The following NRSN1 variants were observed in gnomAD, a reference collection of about 807,000 sequenced individuals.
NRSN1 encodes neurensin-1.
Under a neutral mutation model 17.3 loss-of-function variants are expected in NRSN1, and 14 were observed. The ratio of observed to expected loss-of-function variants is 0.81; its 90% confidence interval spans 0.54 to 1.27. The LOEUF (loss-of-function observed/expected upper bound fraction) is 1.27, where lower values mean the gene tolerates loss of function less well. Ranked by LOEUF, NRSN1 falls within the 50% of genes most tolerant of loss-of-function variation. The probability of loss-of-function intolerance (pLI) is 0.00; values close to 1 mark genes in which losing one functional copy is unlikely to be tolerated. For synonymous variants in NRSN1, 79 were observed against 94.2 expected, an observed-to-expected ratio of 0.84 and a Z score of 0.93; for missense variants, 209 against 235.9, an observed-to-expected ratio of 0.89 and a Z score of 0.75.
intron 3 of NRSN1, among the ~76,000 whole-genome samples, chr6:24,144,329 C>T (rs1175656227): frequency 6.6e-6 from 1 of 152,198 alleles, no homozygotes; most frequent in African/African-American, 2.4e-5. Flanking sequence ...GTTACAAAGA[C>T]TGTCCATGTC....
In NRSN1 at chr6:24,147,158, G is replaced by A. The variant is rs1163011361; in HGVS notation, c.*1212G>A. 1 of 152,026 alleles carries A rather than the reference G, an allele frequency of 6.6e-6. No homozygotes were observed. Among genetic ancestry groups the A allele is most frequent in the Non-Finnish European group, 1.5e-5 (1 of 68,014 alleles). 9.4% of individuals were successfully genotyped at this position (152,026 alleles called of 1,614,324 possible). A position where few individuals can be genotyped will look rare whatever the true frequency, so the allele number is the denominator to read the frequency against. Reference sequence around the variant, plus strand: ...CTGTCATATTTTTAAAAAAACAAAAGTAAGCCATCCTCAAATAAGGAACCC... The same window carrying A: ...CTGTCATATTTTTAAAAAAACAAAAATAAGCCATCCTCAAATAAGGAACCC... On this transcript the variant is annotated 3_prime_UTR_variant, in exon 4 of 4. Transcript: ENST00000378491.
intron 3 of NRSN1, chr6:24,141,577 A>C (rs1561867609): frequency 6.5e-6 from 1 of 153,402 alleles, no homozygotes; most frequent in Non-Finnish European, 1.5e-5. Flanking sequence ...CCTCTCTCTG[A>C]TTCTCTGATG....
chr6:24,140,781 A>G (rs762758936), intron 3 of NRSN1: 6 of 1,153,430 alleles, frequency 5.2e-6, no homozygotes, highest in Non-Finnish European at 6.6e-6. Flanking sequence ...AGTAAACTGC[A>G]TTTTCAGGCC....
At chr6:24,132,463 C>T (rs1760049615) in intron 2 of NRSN1, among the ~76,000 whole-genome samples, 1 of 152,176 alleles carries the variant, frequency 6.6e-6, no homozygotes, top group Non-Finnish European at 1.5e-5. Context: ...GAAAACCTGG[C>T]TTAATAGAAA....
At position 24,146,489 on chromosome 6, in the gene NRSN1, A is replaced by G. The variant is rs1043644578; in HGVS notation, c.*543A>G. 24 of 342,610 alleles carry G rather than the reference A, an allele frequency of 7.0e-5. No homozygotes were observed. Among genetic ancestry groups the G allele is most frequent in the Non-Finnish European group, 9.7e-5 (17 of 174,920 alleles). 21.2% of individuals were successfully genotyped at this position (342,610 alleles called of 1,614,324 possible). ...TGACATTGGATACAAAGTTATCAGC[A>G]TTCACAAATCTTTTTGTTTTCTCCA... is the stretch of plus-strand genomic sequence containing the variant. On this transcript the variant is annotated 3_prime_UTR_variant, in exon 4 of 4. Coordinates refer to ENST00000378491, the MANE Select transcript of NRSN1 (RefSeq NM_080723.5).
chr6:24,131,243 T>A (rs149054631), intron 2 of NRSN1, among the ~76,000 whole-genome samples: 5 of 152,300 alleles, frequency 3.3e-5, no homozygotes, highest in South Asian at 4.1e-4. Context: ...CTGGGTCTCA[T>A]AAAGCAGAAA....
chr6:24,139,545 C>A (rs573935292), intron 3 of NRSN1, among the ~76,000 whole-genome samples: 50 of 152,270 alleles, frequency 3.3e-4, no homozygotes, highest in African/African-American at 1.2e-3. Context: ...AAGGAAGTGG[C>A]AGAGCACCAT....
rs1016153192 is a variant in NRSN1, at chr6:24,144,894, C to T, written c.190-654C>T. Among the ~76,000 whole-genome samples, 45 of 151,426 alleles carry T rather than the reference C, an allele frequency of 3.0e-4. 1 individual carries two copies. The highest frequency in any genetic ancestry group is 8.0e-4 in the African/African-American group (33 of 41,160). ...CAGAGTAAGGCCAGCTCCTGGATAT[C>T]AGGGCTACTCTTCTTTTCCTCAAGA... is the stretch of plus-strand genomic sequence containing the variant. On this transcript the variant is annotated intron_variant, in intron 3 of 3. Coordinates refer to ENST00000378491, the MANE Select transcript of NRSN1 (RefSeq NM_080723.5).
intron 3 of NRSN1, among the ~76,000 whole-genome samples, chr6:24,142,621 G>A (rs568015203): frequency 1.8e-4 from 28 of 152,178 alleles, no homozygotes; most frequent in African/African-American, 6.7e-4. Context: ...CACCATGCCT[G>A]GCTAATTTTG....
chr6:24,127,424 G>T lies in NRSN1; in HGVS notation c.-82-704G>T, dbSNP rs74943947. ...CAAATGGGGACCTGTTCATTAGAAA[G>T]AATTCTTAATGATCCCATAAAAAAT... On this transcript the variant is annotated intron_variant, in intron 1 of 3. Transcript: ENST00000378491. Among the ~76,000 whole-genome samples, 465 of 152,270 alleles carry T rather than the reference G, an allele frequency of 3.1e-3. 2 individuals carry two copies. Among genetic ancestry groups the T allele is most frequent in the African/African-American group, 0.011 (449 of 41,560 alleles).
At chr6:24,144,382 G>GT (rs74315583) in intron 3 of NRSN1, among the ~76,000 whole-genome samples, 13,546 of 152,218 alleles carry the variant, frequency 0.089, 782 homozygotes, top group East Asian at 0.22. Flanking sequence ...TGTTGAACAA[G>GT]TTGGATGTAT....
chr6:24,143,234 T>A (rs1035491554), intron 3 of NRSN1, among the ~76,000 whole-genome samples: 13 of 152,176 alleles, frequency 8.5e-5, no homozygotes, highest in Non-Finnish European at 1.2e-4. Context: ...TGACCTCAGA[T>A]GATCCACCCA....
chr6:24,145,883 G>T lies in NRSN1; in HGVS notation c.525G>T (p.Gly175=), dbSNP rs772077870. The T allele has an allele frequency of 6.2e-7, 1 of 1,614,018 alleles. No individual in the cohort carries two copies. Among genetic ancestry groups the T allele is most frequent in the Non-Finnish European group, 8.5e-7 (1 of 1,179,990 alleles). Residue 175 remains glycine (G), a synonymous_variant, in exon 4 of 4, where the codon GGG becomes GGT. Transcript: ENST00000378491. This position sits in a 1 kb window ranked among gnomAD's most constrained non-coding sequence, Gnocchi z 4.4. ...CGGTTACAAAAGCTCCAGGGCCAGG[G>T]GAAACAAAGATTCCAGTCACTTTGT... ...TQPVTKAPGP[G]ETKIPVTLSR...
intron 1 of NRSN1, 145 bp downstream of exon 1, chr6:24,126,485 T>C (rs1268276613): frequency 1.3e-5 from 2 of 152,358 alleles, no homozygotes; most frequent in African/African-American, 4.8e-5. Context: ...CCCTCCTTCA[T>C]TCACGTTTAT....
At position 24,134,504 on chromosome 6, in the gene NRSN1, A is replaced by C; in HGVS notation, c.177A>C (p.Ser59=). 1 of 1,613,808 alleles carries C rather than the reference A, an allele frequency of 6.2e-7. No homozygotes were observed. The highest frequency in any genetic ancestry group is 8.5e-7 in the Non-Finnish European group (1 of 1,179,734). Reference sequence around the variant, plus strand: ...AAAGATCACCTAACAGGTGGAGCTCAGTATTCTGGAAGGTAAGGAAGGAGC... The same window carrying C: ...AAAGATCACCTAACAGGTGGAGCTCCGTATTCTGGAAGGTAAGGAAGGAGC... The part of the protein sequence containing the change: ...QIQRSPNRWS[S]VFWKVGLISG... The change falls in exon 3 of 4, where the codon TCA becomes TCC. Residue 59 remains serine, a synonymous_variant. Transcript: ENST00000378491.
intron 2 of NRSN1, among the ~76,000 whole-genome samples, chr6:24,133,791 T>C (rs1250795847): frequency 6.6e-6 from 1 of 152,156 alleles, no homozygotes; most frequent in African/African-American, 2.4e-5. Context: ...AATCTTGCAT[T>C]AAGCAAAAAA....
intron 3 of NRSN1, among the ~76,000 whole-genome samples, chr6:24,142,565 T>G (rs1048130876): frequency 6.6e-6 from 1 of 152,172 alleles, no homozygotes; most frequent in Admixed American, 6.5e-5. Flanking sequence ...GTTCAAGTGA[T>G]TCTCCTGCCT....
At chr6:24,139,332 G>T (rs1011746781) in intron 3 of NRSN1, among the ~76,000 whole-genome samples, 43 of 152,320 alleles carry the variant, frequency 2.8e-4, no homozygotes, top group African/African-American at 8.2e-4. Context: ...TGGAGCAATG[G>T]AGATCATCAG....
At chr6:24,130,159 T>A (rs1449154740) in intron 2 of NRSN1, among the ~76,000 whole-genome samples, 1 of 152,256 alleles carries the variant, frequency 6.6e-6, no homozygotes, top group African/African-American at 2.4e-5. Context: ...TTAACCTTTT[T>A]GTTGTTGCTA....
Sources: allele counts gnomAD v4.1 joint callset (sites outside exome capture counted in the v4.1 genomes callset), GRCh38; gene constraint gnomAD v4.1.1; non-coding constraint Gnocchi (gnomAD v3.1); transcripts MANE v1.5; gene names NCBI Gene and HGNC (gene_info 2026-07-23, HGNC 2026-07-21).